The following INPP4B variants were observed in gnomAD, a reference collection of about 807,000 sequenced individuals.
INPP4B encodes inositol polyphosphate-4-phosphatase type II B.
INPP4B carries 55 observed loss-of-function variants against 122.5 expected under a neutral mutation model. That is an observed-to-expected ratio of 0.45 (90% CI 0.36 to 0.56). The LOEUF is 0.56. INPP4B is among the 20% of genes least tolerant of loss of function. The pLI is 0.00. For missense variants in INPP4B, 1,000 were observed against 1,097.7 expected, an observed-to-expected ratio of 0.91 and a Z score of 1.26; for synonymous variants, 403 against 388.7, an observed-to-expected ratio of 1.04 and a Z score of -0.43.
At chr4:142,282,761 T>C (rs537815956) in intron 9 of INPP4B, among the ~76,000 whole-genome samples, 6 of 152,200 alleles carry the variant, frequency 3.9e-5, no homozygotes, top group Non-Finnish European at 7.4e-5. Flanking sequence ...CTATTATGCA[T>C]GGTTATCCCA....
At chr4:142,839,245 G>A (rs1450837230) in intron 1 of INPP4B, among the ~76,000 whole-genome samples, 1 of 152,150 alleles carries the variant, frequency 6.6e-6, no homozygotes, top group African/African-American at 2.4e-5. Flanking sequence ...ATAACCTGAG[G>A]TCAGGAGTTC....
At chr4:142,305,223 T>C (rs534636690) in intron 9 of INPP4B, among the ~76,000 whole-genome samples, 4 of 152,306 alleles carry the variant, frequency 2.6e-5, no homozygotes, top group African/African-American at 7.2e-5. Context: ...TTAATGATAA[T>C]GTAATATTGT....
intron 1 of INPP4B, among the ~76,000 whole-genome samples, chr4:142,727,245 G>T (rs1156361737): frequency 6.6e-6 from 1 of 152,142 alleles, no homozygotes; most frequent in Non-Finnish European, 1.5e-5. Context: ...CCTTGATTTT[G>T]CTGAGAACTT....
chr4:142,815,080 G>T (rs936723585), intron 1 of INPP4B, among the ~76,000 whole-genome samples: 1 of 152,008 alleles, frequency 6.6e-6, no homozygotes, highest in African/African-American at 2.4e-5. Flanking sequence ...TTACTTCTCT[G>T]GTCTTCCTCC....
intron 2 of INPP4B, among the ~76,000 whole-genome samples, chr4:142,681,014 T>C (rs1403173328): frequency 6.6e-6 from 1 of 151,848 alleles, no homozygotes; most frequent in East Asian, 1.9e-4. Context: ...GGAAACCCCT[T>C]CTCAGGAGCC....
chr4:142,643,725 TTA>T (rs1751074741), intron 2 of INPP4B, among the ~76,000 whole-genome samples: 1 of 152,218 alleles, frequency 6.6e-6, no homozygotes, highest in Non-Finnish European at 1.5e-5. Flanking sequence ...ATGAAAATAC[TTA>T]ATAGCTAATT....
At chr4:142,397,725 G>A (rs907964491) in intron 7 of INPP4B, among the ~76,000 whole-genome samples, 3 of 151,984 alleles carry the variant, frequency 2.0e-5, no homozygotes, top group African/African-American at 7.3e-5. Context: ...TGTAGTCCCA[G>A]TTACTCGGGA....
chr4:142,318,329 A>T (rs1209984983), intron 7 of INPP4B, among the ~76,000 whole-genome samples: 1 of 152,088 alleles, frequency 6.6e-6, no homozygotes, highest in African/African-American at 2.4e-5. Flanking sequence ...AGAGAGAAGG[A>T]GGAATATGTC....
At chr4:142,215,853 A>G (rs1312330520) in intron 12 of INPP4B, among the ~76,000 whole-genome samples, 1 of 129,360 alleles carries the variant, frequency 7.7e-6, no homozygotes, top group Admixed American at 9.3e-5. Flanking sequence ...AGATTGTGCC[A>G]CTACACTCCA....
intron 2 of INPP4B, among the ~76,000 whole-genome samples, chr4:142,516,684 C>T (rs1036504667): frequency 4.6e-5 from 7 of 152,074 alleles, no homozygotes; most frequent in Admixed American, 3.3e-4. Flanking sequence ...CCACACATTG[C>T]TCTGTGCCCT....
intron 1 of INPP4B, among the ~76,000 whole-genome samples, chr4:142,798,167 G>A (rs967506926): frequency 9.2e-5 from 14 of 151,802 alleles, no homozygotes; most frequent in Non-Finnish European, 2.9e-5. Context: ...CCAAAGGAAG[G>A]ACAGGAGAGG....
At chr4:142,407,165 ATG>A (rs1337434577) in intron 5 of INPP4B, among the ~76,000 whole-genome samples, 1 of 152,196 alleles carries the variant, frequency 6.6e-6, no homozygotes, top group Non-Finnish European at 1.5e-5. Context: ...TGCAATATGA[ATG>A]TGTTTAATTT....
chr4:142,272,828 A>G (rs1047697996), intron 9 of INPP4B, among the ~76,000 whole-genome samples: 17 of 152,062 alleles, frequency 1.1e-4, no homozygotes, highest in Non-Finnish European at 2.5e-4. Flanking sequence ...TTTTTCATCA[A>G]AACTGCTTAT....
rs115729602 is a variant in INPP4B, at chr4:142,223,726, T to C, written c.836+14138A>G. Among the ~76,000 whole-genome samples, 781 of 152,262 alleles carry C rather than the reference T, an allele frequency of 5.1e-3. 11 individuals carry two copies. The highest frequency in any genetic ancestry group is 0.018 in the African/African-American group (742 of 41,546). ...AACATACTTTACATGATGAATACCA[T>C]ACCACATGGTATTCTAATTGTGCAT... On this transcript the variant is annotated intron_variant, in intron 12 of 25. Transcript: ENST00000262992.
chr4:142,528,744 A>G (rs1023133533), intron 2 of INPP4B, among the ~76,000 whole-genome samples: 3 of 152,094 alleles, frequency 2.0e-5, no homozygotes, highest in Non-Finnish European at 4.4e-5. Flanking sequence ...ACCGTGTTGC[A>G]AGCTGAACTA....
At chr4:142,394,593 T>C (rs764950187) in intron 7 of INPP4B, among the ~76,000 whole-genome samples, 81 of 152,226 alleles carry the variant, frequency 5.3e-4, no homozygotes, top group African/African-American at 1.8e-3. Context: ...TTTTTTAATA[T>C]ACCTGTTGGC....
At chr4:142,497,523 T>G (rs1308641970) in intron 2 of INPP4B, among the ~76,000 whole-genome samples, 1 of 152,194 alleles carries the variant, frequency 6.6e-6, no homozygotes, top group African/African-American at 2.4e-5. Context: ...TGTTTCATAG[T>G]GTTTAATCTT....
At position 142,431,323 on chromosome 4, in the gene INPP4B, C is replaced by G. The variant is rs1809251651; in HGVS notation, c.-64G>C. On this transcript the variant is annotated 5_prime_UTR_variant, in exon 4 of 26. Transcript: ENST00000262992. ...TGTCCAAATGTCAGTTCTAGTGATTCCTGGTTTAATGTAGATGTATCTTCA... is the reference window on the plus strand; with the variant it reads ...TGTCCAAATGTCAGTTCTAGTGATTGCTGGTTTAATGTAGATGTATCTTCA... The G allele has an allele frequency of 8.6e-7, 1 of 1,162,900 alleles. No individual in the cohort carries two copies. 72.0% of individuals were successfully genotyped at this position (1,162,900 alleles called of 1,614,324 possible).
At chr4:142,116,000 G>A (rs1305443715) in intron 21 of INPP4B, among the ~76,000 whole-genome samples, 14 of 151,988 alleles carry the variant, frequency 9.2e-5, no homozygotes, top group Admixed American at 6.6e-5. Flanking sequence ...AAAAAAGGCA[G>A]GGGTTGCAAT....
Sources: allele counts gnomAD v4.1 joint callset (sites outside exome capture counted in the v4.1 genomes callset), GRCh38; gene constraint gnomAD v4.1.1; transcripts MANE v1.5; gene names NCBI Gene and HGNC (gene_info 2026-07-23, HGNC 2026-07-21).